Variants in VSIG4 observed in about 807,000 individuals in gnomAD.
VSIG4 encodes the protein V-set and immunoglobulin domain-containing protein 4.
Under a neutral mutation model 23.4 loss-of-function variants are expected in VSIG4, and 34 were observed. That is an observed-to-expected ratio of 1.45 (90% CI 1.10 to 1.93). VSIG4 has a LOEUF of 1.93. Among genes scored for constraint, VSIG4 ranks in the 30% most tolerant of loss-of-function variants. The pLI, the probability that VSIG4 is intolerant of heterozygous loss-of-function variation, is 0.00. For missense variants in VSIG4, 433 were observed against 310.8 expected (o/e 1.39, Z -2.96); for synonymous variants, 169 against 120.3 (o/e 1.41, Z -2.65).
chrX:66,023,541 T>C (rs1450234956), intron 6 of VSIG4, among the ~76,000 whole-genome samples: 3 of 112,757 alleles, frequency 2.7e-5, no homozygotes, highest in African/African-American at 9.7e-5. Context: ...TGCCTTATGG[T>C]AGAGCCCTGC....
rs368717666 is a variant in VSIG4 at position 66,022,816 on chromosome X, A to C, written c.962+25T>G. The C allele has an allele frequency of 6.0e-5, 73 of 1,209,885 alleles. No homozygotes were observed. The Admixed American group carries it at 1.6e-3, about 26-fold the overall frequency. On this transcript the variant is annotated intron_variant, in intron 7 of 7. Coordinates refer to ENST00000374737, the MANE Select transcript of VSIG4 (RefSeq NM_007268.3). ...AATTGAGGGCAGGGACGGGGTCAAAAATGGAAGAGGAGAGACTTTCTTACC... is the reference window on the plus strand; with the variant it reads ...AATTGAGGGCAGGGACGGGGTCAAACATGGAAGAGGAGAGACTTTCTTACC...
chrX:66,029,798 G>A (rs779447601), intron 3 of VSIG4, among the ~76,000 whole-genome samples: 5 of 111,094 alleles, frequency 4.5e-5, no homozygotes, highest in Non-Finnish European at 9.4e-5. Context: ...GGTTTGGTGA[G>A]TAAAAGGTAC....
intron 6 of VSIG4, among the ~76,000 whole-genome samples, chrX:66,023,148 G>A (rs895643302): frequency 1.4e-4 from 15 of 110,682 alleles, no homozygotes; most frequent in Admixed American, 3.8e-4. Flanking sequence ...TTGGGGGAGG[G>A]CACTAGAACT....
At chrX:66,028,547 G>A (rs764512736) in intron 3 of VSIG4, among the ~76,000 whole-genome samples, 2 of 92,337 alleles carry the variant, frequency 2.2e-5, no homozygotes, top group Admixed American at 2.4e-4. Flanking sequence ...TGCAAAATTT[G>A]ACGTAATCAA....
intron 1 of VSIG4, among the ~76,000 whole-genome samples, chrX:66,036,984 T>A (rs865999853): frequency 3.5e-5 from 1 of 28,692 alleles, no homozygotes; most frequent in Non-Finnish European, 4.7e-5. Flanking sequence ...ATATAATATA[T>A]CATATAATAT....
intron 1 of VSIG4, among the ~76,000 whole-genome samples, chrX:66,036,182 A>G (rs2085537043): frequency 9.3e-6 from 1 of 107,765 alleles, no homozygotes; most frequent in Non-Finnish European, 1.9e-5. Context: ...TCATTGTTCC[A>G]TTATGCTTCC....
At chrX:66,028,332 A>G (rs1196293212) in intron 3 of VSIG4, among the ~76,000 whole-genome samples, 3 of 111,303 alleles carry the variant, frequency 2.7e-5, no homozygotes, top group Non-Finnish European at 5.6e-5. Flanking sequence ...TCTCGAAGGA[A>G]CCTGTAGCTA....
intron 3 of VSIG4, among the ~76,000 whole-genome samples, chrX:66,029,809 G>A (rs112507894): frequency 0.09 from 10,006 of 110,659 alleles, 492 homozygotes; most frequent in African/African-American, 0.18. Context: ...TAAAAGGTAC[G>A]ATCAGTTTTG....
At chrX:66,022,526 T>C (rs1363180527) in intron 7 of VSIG4, 26 bp from the exon 8 acceptor site, 1 of 1,203,451 alleles carries the variant, frequency 8.3e-7, no homozygotes, top group Non-Finnish European at 1.1e-6. Context: ...CCACCACCCA[T>C]AAGAAGGGAC....
At chrX:66,025,905 C>T (rs1307867847) in intron 5 of VSIG4, among the ~76,000 whole-genome samples, 2 of 112,373 alleles carry the variant, frequency 1.8e-5, no homozygotes, top group Non-Finnish European at 3.8e-5. Context: ...CCAAAGGGAA[C>T]ATAGCCTTGC....
rs201493138 is a variant in VSIG4 at position 66,029,884 on chromosome X, G to GA, written c.695-1773dup. ...CTAGACACTGGGATCTAGCAGTCAG[G>GA]AAAAAATAAATACAGATAATATTAT... On this transcript the variant is annotated intron_variant, in intron 3 of 7. Transcript: ENST00000374737. Among the ~76,000 whole-genome samples the GA allele has an allele frequency of 7.3e-3, 802 of 109,985 alleles. 8 individuals are homozygous for GA. Among genetic ancestry groups the GA allele is most frequent in the African/African-American group, 0.025 (730 of 29,522 alleles).
chrX:66,033,652 C>A lies in VSIG4; in HGVS notation c.234G>T (p.Gln78His). 1 of 1,209,370 alleles carries A rather than the reference C, an allele frequency of 8.3e-7. No homozygotes were observed. ...FLRDSSGDHI[Q>H]QAKYQGRLHV... ...GCAGGCGGCCCTGGTACTTTGCCTG[C>A]TGGATATGGTCTCCAGAAGAGTCAC... Residue 78 changes from glutamine (Q) to histidine (H), a missense_variant, in exon 2 of 8, where the codon CAG becomes CAT. Gln to His is a conservative substitution (Grantham distance 24). Transcript: ENST00000374737.
intron 1 of VSIG4, among the ~76,000 whole-genome samples, chrX:66,036,076 T>C (rs957767482): frequency 8.9e-6 from 1 of 111,841 alleles, no homozygotes; most frequent in African/African-American, 3.3e-5. Context: ...CCAGAATGAA[T>C]AGGACAGAGT....
chrX:66,022,824 A>G lies in VSIG4; in HGVS notation c.962+17T>C, dbSNP rs766089158. The G allele has an allele frequency of 9.1e-6, 11 of 1,211,752 alleles. No individual in the cohort carries two copies. Among genetic ancestry groups the G allele is most frequent in the Non-Finnish European group, 1.2e-5 (11 of 895,426 alleles). ...GCAGGGACGGGGTCAAAAATGGAAGAGGAGAGACTTTCTTACCTGGCTGCT... is the reference window on the plus strand; with the variant it reads ...GCAGGGACGGGGTCAAAAATGGAAGGGGAGAGACTTTCTTACCTGGCTGCT... On this transcript the variant is annotated intron_variant, in intron 7 of 7. Coordinates refer to ENST00000374737, the MANE Select transcript of VSIG4 (RefSeq NM_007268.3).
At chrX:66,036,849 T>C (rs1336803157) in intron 1 of VSIG4, among the ~76,000 whole-genome samples, 2 of 39,655 alleles carry the variant, frequency 5.0e-5, no homozygotes, top group Non-Finnish European at 7.7e-5. Flanking sequence ...ATATAATATA[T>C]TATATATATA....
intron 1 of VSIG4, among the ~76,000 whole-genome samples, chrX:66,036,968 T>TATATAATATAATATATC (rs1216305329): frequency 5.8e-5 from 2 of 34,684 alleles, no homozygotes; most frequent in Non-Finnish European, 8.0e-5. Context: ...TATTATATAA[T>TATATAATATAATATATC]ATATAATATA....
At chrX:66,029,856 T>A (rs991989553) in intron 3 of VSIG4, among the ~76,000 whole-genome samples, 9 of 111,239 alleles carry the variant, frequency 8.1e-5, no homozygotes, top group Non-Finnish European at 1.7e-4. Flanking sequence ...GTCCAGAAGG[T>A]AACTAGACAC....
intron 1 of VSIG4, among the ~76,000 whole-genome samples, chrX:66,037,378 A>T (rs1330493820): frequency 9.3e-5 from 3 of 32,218 alleles, no homozygotes; most frequent in African/African-American, 5.2e-4. Context: ...ATATAATATA[A>T]TATATAATAT....
chrX:66,033,730 G>T lies in VSIG4; in HGVS notation c.156C>A (p.Val52=). The T allele has an allele frequency of 8.3e-7, 1 of 1,211,658 alleles. No homozygotes were observed. Among genetic ancestry groups the T allele is most frequent in the Non-Finnish European group, 1.1e-6 (1 of 895,409 alleles). The change falls in exon 2 of 8, where the codon GTC becomes GTA. Residue 52 remains valine (V), a synonymous_variant. Transcript: ENST00000374737. ...CACGTTGTACCAGCCACTTCACCAA[G>T]ACTTGGGTGTAGCCTTGCAGGGGGT... The part of the protein sequence containing the change: ...TYDPLQGYTQ[V]LVKWLVQRGS...
Sources: gnomAD v4.1 joint callset for allele counts (sites outside exome capture counted in the v4.1 genomes callset) on GRCh38, gnomAD v4.1.1 for gene constraint, MANE v1.5 for transcripts, NCBI Gene and HGNC (gene_info 2026-07-23, HGNC 2026-07-21) for gene names.